The following VSX1 variants were observed in gnomAD, a reference collection of about 807,000 sequenced individuals.
VSX1 encodes the protein homeodomain protein RINX.
A neutral mutation model predicts 23.6 loss-of-function variants in VSX1; 23 were observed. That is an observed-to-expected ratio of 0.97 (90% confidence interval 0.70 to 1.38). The LOEUF (loss-of-function observed/expected upper bound fraction) is 1.38. Among genes scored for constraint, VSX1 ranks in the 40% most tolerant of loss-of-function variants. The pLI is 0.00. For synonymous variants in VSX1, 247 were observed against 215.1 expected (o/e 1.15, Z -1.30); for missense variants, 517 against 495.4 (o/e 1.04, Z -0.41).
chr20:25,074,626 A>G (rs2089447658), downstream of VSX1, among the ~76,000 whole-genome samples: 1 of 151,860 alleles, frequency 6.6e-6, no homozygotes, highest in African/African-American at 2.4e-5. Context: ...ACTCAGCAAA[A>G]TTTTGTCAGC....
chr20:25,071,317 A>C (rs750489166), downstream of VSX1: 12 of 453,950 alleles, frequency 2.6e-5, no homozygotes, highest in African/African-American at 2.4e-4. Flanking sequence ...GGGAACTCTT[A>C]AGTTGGAGTA....
intron 3 of VSX1, among the ~76,000 whole-genome samples, chr20:25,078,187 A>G (rs2122879371): frequency 6.6e-6 from 1 of 152,354 alleles, no homozygotes; most frequent in South Asian, 2.1e-4. Context: ...CATTGTGTGA[A>G]GAGGTCAACT....
intron 2 of VSX1, 100 bp from the exon 3 acceptor site, chr20:25,079,052 A>C (rs1600384959): frequency 7.1e-7 from 1 of 1,411,868 alleles, no homozygotes; most frequent in Non-Finnish European, 9.9e-7. Context: ...TGCTGTCCAG[A>C]CCCTAGAAGC....
At chr20:25,071,571 G>A (rs1434398419), downstream of VSX1, 2 of 472,264 alleles carry the variant, frequency 4.2e-6, no homozygotes, top group Non-Finnish European at 8.4e-6. Flanking sequence ...CCTTTCAACA[G>A]ATAATCTTGA....
At chr20:25,078,270 A>G (rs923368060) in intron 3 of VSX1, among the ~76,000 whole-genome samples, 4 of 152,226 alleles carry the variant, frequency 2.6e-5, no homozygotes, top group Non-Finnish European at 5.9e-5. Flanking sequence ...AGCTTAGGCT[A>G]TTGGGTTGCT....
chr20:25,072,475 G>A (rs2122835632), downstream of VSX1: 1 of 467,756 alleles, frequency 2.1e-6, no homozygotes, highest in Non-Finnish European at 4.4e-6. Context: ...GGCCGATACT[G>A]TCCTGCTGTG....
rs1213121223 is a variant in VSX1 at position 25,077,719 on chromosome 20, G to A, written c.774C>T (p.Gly258=). The change falls in exon 4 of 5, where the codon GGC becomes GGT. Residue 258 remains glycine, a synonymous_variant. Transcript: ENST00000376709. ...AGGGCGCGCAGGAGCCCAGCAGGCC[G>A]CCCTCGGCGGAGTTGAGCACGGAGT... The part of the protein sequence containing the change: ...LPDSVLNSAE[G]GLLGSCAPWL... 12 of 1,550,104 alleles carry A rather than the reference G, an allele frequency of 7.7e-6. No homozygotes were observed. Among genetic ancestry groups the A allele is most frequent in the Non-Finnish European group, 1.0e-5 (12 of 1,146,864 alleles).
In VSX1 at chr20:25,078,750, C is replaced by G; in HGVS notation, c.627+79G>C. On this transcript the variant is annotated intron_variant, in intron 3 of 4. Transcript: ENST00000376709. ...GAGCGTGTTGGCTATAGAGAAGGGACTGCTGATTGGCTCACTGAATGTGGG... is the reference window on the plus strand; with the variant it reads ...GAGCGTGTTGGCTATAGAGAAGGGAGTGCTGATTGGCTCACTGAATGTGGG... 1.2e-6 allele frequency: 2 copies of G among 1,614,082 alleles called. 1 individual carries two copies. The highest frequency in any genetic ancestry group is 2.2e-5 in the South Asian group (2 of 91,074).
intron 3 of VSX1, chr20:25,078,573 C>G: frequency 2.6e-5 from 32 of 1,252,560 alleles, no homozygotes; most frequent in East Asian, 1.7e-4. Context: ...ATTGACATAT[C>G]TTTATAGTTT....
At chr20:25,071,616 T>G, downstream of VSX1, 2 of 528,706 alleles carry the variant, frequency 3.8e-6, no homozygotes, top group Non-Finnish European at 7.2e-6. Flanking sequence ...CAAAGCCTCT[T>G]AATAAGGAGG....
chr20:25,078,025 T>G, intron 3 of VSX1, 160 bp from the exon 4 acceptor site: 1 of 990,566 alleles, frequency 1.0e-6, no homozygotes, highest in Non-Finnish European at 1.5e-6. Context: ...CCAGCCGCCC[T>G]CAGGGAGAGC....
Position 25,076,631 on chromosome 20 carries a change from T to A in VSX1, c.809-81A>T, listed in dbSNP as rs2089499504. The A allele has an allele frequency of 2.1e-6, 3 of 1,459,520 alleles. No homozygotes were observed. In the African/African-American group the frequency reaches 4.3e-5, roughly 21 times the overall value. 90.4% of individuals were successfully genotyped at this position (1,459,520 alleles called of 1,614,324 possible). Reference sequence around the variant, plus strand: ...ATGAAGTAAATTTCCTTCTTATTGTTCTCTAAATCCCACTAGAATTGTCCT... The same window carrying A: ...ATGAAGTAAATTTCCTTCTTATTGTACTCTAAATCCCACTAGAATTGTCCT... On this transcript the variant is annotated intron_variant, in intron 4 of 4. Transcript: ENST00000376709.
intron 3 of VSX1, 37 bp from the exon 4 acceptor site, chr20:25,077,902 G>A (rs916517504): frequency 1.9e-6 from 3 of 1,549,964 alleles, no homozygotes; most frequent in East Asian, 2.4e-5. Context: ...GCACACAGAA[G>A]AGACAGTGAA....
chr20:25,072,827 T>C (rs185687286), downstream of VSX1, among the ~76,000 whole-genome samples: 110 of 152,364 alleles, frequency 7.2e-4, no homozygotes, highest in African/African-American at 2.4e-3. Flanking sequence ...CCTGAGATGC[T>C]GCCTCCTGCT....
downstream of VSX1, chr20:25,071,098 G>A (rs553357344): frequency 3.1e-5 from 14 of 453,968 alleles, no homozygotes; most frequent in Non-Finnish European, 6.2e-5. Context: ...GGGTCAAAGA[G>A]GAGACGACCA....
In VSX1 at chr20:25,076,561, A is replaced by AAT. The variant is rs1555860211; in HGVS notation, c.809-12_809-11insAT. The AAT allele has an allele frequency of 3.8e-6, 6 of 1,586,606 alleles. No homozygotes were observed. The African/African-American group carries it at 8.2e-5, about 22-fold the overall frequency. On this transcript the variant is annotated splice_polypyrimidine_tract_variant and intron_variant, in intron 4 of 4. Coordinates refer to ENST00000376709, the MANE Select transcript of VSX1 (RefSeq NM_014588.6). ...ATTTTTTATGCATCCCTTGTAAAAA[A>AAT]AAAAATAAAAAGGAAAAAATAAAAA...
intron 1 of VSX1, 51 bp from the exon 2 acceptor site, chr20:25,079,565 T>C: frequency 6.5e-7 from 1 of 1,541,196 alleles, no homozygotes; most frequent in East Asian, 2.3e-5. Context: ...ATATCCCCTC[T>C]ATTTCCTGGA....
downstream of VSX1, among the ~76,000 whole-genome samples, chr20:25,075,167 G>A (rs2089460959): frequency 6.6e-6 from 1 of 152,198 alleles, no homozygotes; most frequent in Admixed American, 6.5e-5. Context: ...AGTTCCCAGA[G>A]AAAGCCCTCA....
Position 25,081,896 on chromosome 20 carries a change from C to A in VSX1, c.201G>T (p.Gly67=). ...GPAVAPCPGP[G]LDGSSLARGA... is the part of the protein sequence containing the mutation. The stretch of plus-strand genomic sequence containing the variant: ...CACGCGCCAGGCTGGAGCCGTCAAG[C>A]CCCGGGCCCGGGCACGGCGCGACTG... The change falls in exon 1 of 5, where the codon GGG becomes GGT. Residue 67 remains glycine (G), a synonymous_variant. Transcript: ENST00000376709. 4 of 1,528,694 alleles carry A rather than the reference C, an allele frequency of 2.6e-6. No homozygotes were observed. Among genetic ancestry groups the A allele is most frequent in the South Asian group, 1.2e-5 (1 of 83,556 alleles). The allele number at this position is 1,528,694 out of a possible 1,614,324, so 94.7% of individuals were successfully genotyped here. A position where few individuals can be genotyped will look rare whatever the true frequency, so the allele number is the denominator to read the frequency against.
Sources: allele counts gnomAD v4.1 joint callset (sites outside exome capture counted in the v4.1 genomes callset), GRCh38; gene constraint gnomAD v4.1.1; transcripts MANE v1.5; gene names NCBI Gene and HGNC (gene_info 2026-07-23, HGNC 2026-07-21).